The following CADPS variants were observed in gnomAD, a reference collection of about 807,000 sequenced individuals.
CADPS encodes the protein calcium-dependent secretion activator 1.
CADPS carries 57 observed loss-of-function variants against 167.3 expected under a neutral mutation model. That is an observed-to-expected ratio of 0.34 (90% CI 0.28 to 0.42). The LOEUF is 0.42. Ranked by LOEUF, CADPS falls within the 20% of genes least tolerant of loss-of-function variation. The pLI, the probability that CADPS is intolerant of heterozygous loss-of-function variation, is 1.00. For missense variants in CADPS, 1,414 were observed against 1,738.1 expected (o/e 0.81, Z 3.32); for synonymous variants, 676 against 635.3 (o/e 1.06, Z -0.96).
chr3:62,604,926 A>G (rs1371035155), intron 6 of CADPS, among the ~76,000 whole-genome samples: 1 of 152,220 alleles, frequency 6.6e-6, no homozygotes, highest in African/African-American at 2.4e-5. Flanking sequence ...TCCTCTCAGC[A>G]ATTCTGCTAA....
At chr3:62,732,189 C>T (rs538636962) in intron 3 of CADPS, among the ~76,000 whole-genome samples, 1 of 152,216 alleles carries the variant, frequency 6.6e-6, no homozygotes, top group African/African-American at 2.4e-5. Context: ...GAGGTCTGGA[C>T]CTAGTGACTT....
At chr3:62,685,752 A>C (rs1323278906) in intron 3 of CADPS, among the ~76,000 whole-genome samples, 1 of 151,846 alleles carries the variant, frequency 6.6e-6, no homozygotes, top group African/African-American at 2.4e-5. Flanking sequence ...ATCATCAGGC[A>C]TTAGATTCTC....
chr3:62,467,927 T>C (rs2060133639), intron 24 of CADPS, among the ~76,000 whole-genome samples: 1 of 152,128 alleles, frequency 6.6e-6, no homozygotes, highest in Non-Finnish European at 1.5e-5. Flanking sequence ...TTCAAGTTCA[T>C]CAAGTATTAG....
chr3:62,740,540 G>A (rs2079990739), intron 3 of CADPS, among the ~76,000 whole-genome samples: 1 of 152,128 alleles, frequency 6.6e-6, no homozygotes, highest in African/African-American at 2.4e-5. Flanking sequence ...AGACATCTCA[G>A]ATCATCTCTC....
chr3:62,482,921 G>A (rs2150875975), intron 21 of CADPS, among the ~76,000 whole-genome samples: 1 of 152,192 alleles, frequency 6.6e-6, no homozygotes, highest in East Asian at 1.9e-4. Flanking sequence ...CGTGATGGAA[G>A]AGAGATGGAT....
chr3:62,480,802 A>C (rs9853977), intron 22 of CADPS, among the ~76,000 whole-genome samples: 14,889 of 152,194 alleles, frequency 0.098, 1,767 homozygotes, highest in African/African-American at 0.29. Context: ...GAATCGCTAA[A>C]CCTTATTTCA....
At chr3:62,492,204 G>C in intron 20 of CADPS, 86 bp downstream of exon 20, 1 of 1,141,630 alleles carries the variant, frequency 8.8e-7, no homozygotes. Context: ...TGTCAAGCCT[G>C]TAGTCTGCTT....
intron 1 of CADPS, among the ~76,000 whole-genome samples, chr3:62,858,003 C>T (rs901992423): frequency 1.3e-5 from 2 of 152,040 alleles, no homozygotes; most frequent in Non-Finnish European, 2.9e-5. Context: ...CCACTTTTGT[C>T]TAAACATATT....
At chr3:62,865,735 C>A (rs969781697) in intron 1 of CADPS, among the ~76,000 whole-genome samples, 1 of 152,042 alleles carries the variant, frequency 6.6e-6, no homozygotes, top group Non-Finnish European at 1.5e-5. Context: ...TTCTACATAG[C>A]ATATTCTTAT....
In CADPS at chr3:62,433,231, AG is replaced by A. The variant is rs924739435; in HGVS notation, c.3777+4872del. 3.9e-5 allele frequency among the ~76,000 whole-genome samples: 6 copies of A among 152,198 alleles called. No individual in the cohort carries two copies. Among genetic ancestry groups the A allele is most frequent in the African/African-American group, 9.6e-5 (4 of 41,460 alleles). On this transcript the variant is annotated intron_variant, in intron 28 of 29. Coordinates refer to ENST00000383710, the MANE Select transcript of CADPS (RefSeq NM_003716.4). This position sits in a 1 kb window ranked among gnomAD's most constrained non-coding sequence, Gnocchi z 4.7. ...ATAGCAAATATATTTTAACAGGCAA[AG>A]GTTTCATGTTTCAAATTACCCTTTT...
chr3:62,541,262 T>C (rs1032776665), intron 11 of CADPS, among the ~76,000 whole-genome samples: 2 of 152,196 alleles, frequency 1.3e-5, no homozygotes, highest in African/African-American at 4.8e-5. Flanking sequence ...GGGCTCCAGA[T>C]GTACTGATGT....
chr3:62,710,074 A>G (rs1267923224), intron 3 of CADPS, among the ~76,000 whole-genome samples: 2 of 152,004 alleles, frequency 1.3e-5, no homozygotes, highest in Non-Finnish European at 2.9e-5. Context: ...GCCAGGTTCT[A>G]TGTTAATATC....
chr3:62,707,096 G>A (rs534508535), intron 3 of CADPS, among the ~76,000 whole-genome samples: 11 of 152,018 alleles, frequency 7.2e-5, no homozygotes, highest in African/African-American at 2.4e-4. Flanking sequence ...CTCTGGCCAC[G>A]GACCCACTAC....
At chr3:62,612,190 T>C (rs1033478078) in intron 6 of CADPS, among the ~76,000 whole-genome samples, 1 of 152,232 alleles carries the variant, frequency 6.6e-6, no homozygotes. Context: ...TATATAACTA[T>C]GAGAAGCTAC....
intron 3 of CADPS, among the ~76,000 whole-genome samples, chr3:62,721,136 A>ATTTTTTTT (rs1564299437): frequency 2.3e-3 from 166 of 72,752 alleles, no homozygotes; most frequent in African/African-American, 0.011. Context: ...TTTTTTTTTA[A>ATTTTTTTT]AAAAAAAAAG....
chr3:62,513,838 T>A, intron 16 of CADPS: 2 of 611,326 alleles, frequency 3.3e-6, no homozygotes, highest in Non-Finnish European at 5.8e-6. Flanking sequence ...AAACACAGGA[T>A]AAAAGAAAAA....
chr3:62,468,709 T>G (rs2060225541), intron 24 of CADPS, among the ~76,000 whole-genome samples: 1 of 152,210 alleles, frequency 6.6e-6, no homozygotes, highest in South Asian at 2.1e-4. Context: ...TCCCACTATC[T>G]CTCCCTTTCA....
chr3:62,819,952 C>G (rs2094821763), intron 1 of CADPS, among the ~76,000 whole-genome samples: 1 of 152,142 alleles, frequency 6.6e-6, no homozygotes, highest in South Asian at 2.1e-4. Flanking sequence ...AGTATAACAG[C>G]TTTTCTGATA....
chr3:62,456,768 A>C, intron 26 of CADPS, among the ~76,000 whole-genome samples: 1 of 151,974 alleles, frequency 6.6e-6, no homozygotes, highest in East Asian at 1.9e-4. Flanking sequence ...CTGTCTAAAA[A>C]AAAAAAAAAA....
Sources: gnomAD v4.1 joint callset for allele counts (sites outside exome capture counted in the v4.1 genomes callset) on GRCh38, gnomAD v4.1.1 for gene constraint, Gnocchi (gnomAD v3.1) non-coding constraint, MANE v1.5 for transcripts, NCBI Gene and HGNC (gene_info 2026-07-23, HGNC 2026-07-21) for gene names.